LRBA: variants seen among roughly 807,000 people sequenced by gnomAD.
LRBA encodes LPS responsive beige-like anchor protein, also known as lipopolysaccharide-responsive and beige-like anchor protein.
LRBA carries 176 observed loss-of-function variants against 330.0 expected under a neutral mutation model. The ratio of observed to expected loss-of-function variants is 0.53; its 90% CI spans 0.47 to 0.60. LRBA has a LOEUF of 0.60. Among genes scored for constraint, LRBA ranks in the 20% least tolerant of loss-of-function variants. The pLI, the probability that LRBA is intolerant of heterozygous loss-of-function variation, is 0.00. For missense variants in LRBA, 3,259 were observed against 3,444.8 expected (o/e 0.95, Z 1.35); for synonymous variants, 1,230 against 1,193.0 (o/e 1.03, Z -0.64).
intron 2 of LRBA, among the ~76,000 whole-genome samples, chr4:150,961,181 TG>T (rs1192660636): frequency 2.0e-5 from 3 of 149,274 alleles, no homozygotes; most frequent in Non-Finnish European, 4.4e-5. Flanking sequence ...ACCACTGCCT[TG>T]GTTTTGAGGG....
chr4:150,556,504 TTA>T (rs1171799795), intron 40 of LRBA, among the ~76,000 whole-genome samples: 3 of 152,200 alleles, frequency 2.0e-5, no homozygotes, highest in African/African-American at 4.8e-5. Context: ...AAATGAATAA[TTA>T]TATACATAGT....
chr4:150,702,041 G>A (rs186336054), intron 36 of LRBA, among the ~76,000 whole-genome samples: 1 of 152,228 alleles, frequency 6.6e-6, no homozygotes, highest in African/African-American at 2.4e-5. Flanking sequence ...AAAGTTAGGA[G>A]AAAATCAAGC....
At chr4:150,693,302 G>C (rs1784301857) in intron 36 of LRBA, among the ~76,000 whole-genome samples, 1 of 152,020 alleles carries the variant, frequency 6.6e-6, no homozygotes, top group South Asian at 2.1e-4. Flanking sequence ...GGTGGCTCAC[G>C]CCTGTAATCC....
At chr4:150,971,998 AAAT>A (rs1460815195) in intron 2 of LRBA, among the ~76,000 whole-genome samples, 1 of 152,168 alleles carries the variant, frequency 6.6e-6, no homozygotes, top group Admixed American at 6.5e-5. Flanking sequence ...ACTACTGAGA[AAAT>A]AATTAGAAAT....
At chr4:150,946,917 C>CAA (rs34474606) in intron 2 of LRBA, among the ~76,000 whole-genome samples, 23 of 117,686 alleles carry the variant, frequency 2.0e-4, no homozygotes, top group Admixed American at 1.2e-3. Flanking sequence ...TTAGAGGCAG[C>CAA]AAAAAAAAAA....
chr4:150,621,022 T>C (rs964986756), intron 37 of LRBA, among the ~76,000 whole-genome samples: 19 of 152,188 alleles, frequency 1.2e-4, no homozygotes, highest in African/African-American at 4.1e-4. Flanking sequence ...TACTCTGCTG[T>C]TTGATAAAAA....
intron 47 of LRBA, among the ~76,000 whole-genome samples, chr4:150,353,512 T>C (rs1217905886): frequency 6.6e-6 from 1 of 152,188 alleles, no homozygotes; most frequent in African/African-American, 2.4e-5. Context: ...ATTTTATGTG[T>C]CACCAAACAA....
At chr4:150,795,435 G>A (rs962317661) in intron 34 of LRBA, among the ~76,000 whole-genome samples, 3 of 151,964 alleles carry the variant, frequency 2.0e-5, no homozygotes, top group Non-Finnish European at 4.4e-5. Flanking sequence ...AAGAATGTAA[G>A]CAGTCTTATT....
chr4:150,813,238 T>C (rs1203558333), intron 31 of LRBA, among the ~76,000 whole-genome samples: 1 of 151,856 alleles, frequency 6.6e-6, no homozygotes, highest in East Asian at 1.9e-4. Flanking sequence ...ATCAGATCTT[T>C]GCTGATGACT....
intron 30 of LRBA, among the ~76,000 whole-genome samples, chr4:150,823,989 T>G (rs191719675): frequency 6.6e-6 from 1 of 152,290 alleles, no homozygotes; most frequent in Admixed American, 6.5e-5. Context: ...TATTTTGATA[T>G]GGATTGCACT....
chr4:151,007,856 CA>C (rs57271520), intron 2 of LRBA, among the ~76,000 whole-genome samples: 108,225 of 114,452 alleles, frequency 0.95, 51,108 homozygotes, highest in South Asian at 0.98. Context: ...GACTCCATCT[CA>C]AAAAAAAAAA....
At chr4:150,834,878 C>A (rs1460766921) in intron 28 of LRBA, among the ~76,000 whole-genome samples, 3 of 152,090 alleles carry the variant, frequency 2.0e-5, no homozygotes, top group Admixed American at 2.0e-4. Flanking sequence ...AAGTCCTTGC[C>A]CATGCCTGTG....
chr4:150,834,799 G>A (rs1293826065), intron 28 of LRBA, among the ~76,000 whole-genome samples: 1 of 152,122 alleles, frequency 6.6e-6, no homozygotes. Context: ...GAACATTGTA[G>A]GATGGTATCT....
At chr4:150,748,536 G>A (rs761008223) in intron 35 of LRBA, among the ~76,000 whole-genome samples, 3 of 151,950 alleles carry the variant, frequency 2.0e-5, no homozygotes, top group Non-Finnish European at 4.4e-5. Context: ...GCATGGTGGT[G>A]GGCACCTGTA....
chr4:150,992,866 T>C (rs1467372822), intron 2 of LRBA, among the ~76,000 whole-genome samples: 1 of 152,242 alleles, frequency 6.6e-6, no homozygotes, highest in Non-Finnish European at 1.5e-5. Flanking sequence ...CTAAAACTGA[T>C]ATTTATTATG....
At chr4:150,955,315 G>A (rs920131276) in intron 2 of LRBA, among the ~76,000 whole-genome samples, 1 of 149,022 alleles carries the variant, frequency 6.7e-6, no homozygotes, top group African/African-American at 2.6e-5. Flanking sequence ...AAAATACACT[G>A]AGATGAATGA....
intron 22 of LRBA, among the ~76,000 whole-genome samples, chr4:150,855,899 G>A (rs1235102178): frequency 2.0e-5 from 3 of 152,120 alleles, no homozygotes; most frequent in Non-Finnish European, 4.4e-5. Context: ...AAGATACACA[G>A]AATCTGTGAG....
intron 40 of LRBA, among the ~76,000 whole-genome samples, chr4:150,530,435 C>T (rs919262091): frequency 1.3e-5 from 2 of 151,988 alleles, no homozygotes; most frequent in Non-Finnish European, 2.9e-5. Flanking sequence ...CTGTAGACTT[C>T]CATCTGGCAG....
At chr4:150,337,587 G>A (rs927220433) in intron 48 of LRBA, among the ~76,000 whole-genome samples, 2 of 152,080 alleles carry the variant, frequency 1.3e-5, no homozygotes, top group African/African-American at 2.4e-5. Context: ...CGTTTATTTG[G>A]CTTCTCATTG....
Sources: gnomAD v4.1 joint callset for allele counts (sites outside exome capture counted in the v4.1 genomes callset) on GRCh38, gnomAD v4.1.1 for gene constraint, MANE v1.5 for transcripts, NCBI Gene and HGNC (gene_info 2026-07-23, HGNC 2026-07-21) for gene names.